The following ADAMTS17 variants were observed in gnomAD, a reference collection of about 807,000 sequenced individuals.
ADAMTS17 encodes the protein A disintegrin and metalloproteinase with thrombospondin motifs 17.
In ADAMTS17, 113 loss-of-function variants were observed where a neutral mutation model predicts 141.5. That is an observed-to-expected ratio of 0.80 (90% CI 0.69 to 0.93). The LOEUF (loss-of-function observed/expected upper bound fraction) is 0.93, where lower values mean the gene tolerates loss of function less well. Ranked by LOEUF, ADAMTS17 falls within the 40% of genes least tolerant of loss-of-function variation. ADAMTS17 has a pLI of 0.00. For missense variants in ADAMTS17, 1,659 were observed against 1,517.9 expected, an observed-to-expected ratio of 1.09 and a Z score of -1.54; for synonymous variants, 768 against 630.6, an observed-to-expected ratio of 1.22 and a Z score of -3.27.
chr15:100,093,512 G>A (rs2035589280), intron 15 of ADAMTS17, among the ~76,000 whole-genome samples: 1 of 152,100 alleles, frequency 6.6e-6, no homozygotes, highest in South Asian at 2.1e-4. Flanking sequence ...CCACTCAGCT[G>A]CACTTGGCGT....
intron 8 of ADAMTS17, among the ~76,000 whole-genome samples, chr15:100,157,676 A>C (rs1251335365): frequency 6.6e-6 from 1 of 152,158 alleles, no homozygotes; most frequent in East Asian, 1.9e-4. Flanking sequence ...TAGCAAAGAA[A>C]GTGCCAAAAA....
intron 8 of ADAMTS17, among the ~76,000 whole-genome samples, chr15:100,187,944 C>A (rs76993536): frequency 1.3e-5 from 2 of 152,112 alleles, no homozygotes; most frequent in Non-Finnish European, 2.9e-5. Context: ...AATAACCAGG[C>A]GGGATGGTGT....
At chr15:100,212,757 CA>C (rs2041848407) in intron 7 of ADAMTS17, among the ~76,000 whole-genome samples, 4 of 137,788 alleles carry the variant, frequency 2.9e-5, no homozygotes, top group African/African-American at 1.1e-4. Flanking sequence ...CTAACCGACA[CA>C]TAGAAAACAT....
At chr15:100,218,023 G>A (rs1490331438) in intron 7 of ADAMTS17, among the ~76,000 whole-genome samples, 3 of 152,174 alleles carry the variant, frequency 2.0e-5, no homozygotes, top group Non-Finnish European at 4.4e-5. Context: ...TGGGACTACA[G>A]GTGCACACCA....
chr15:100,078,924 CA>C (rs948272468), intron 15 of ADAMTS17, among the ~76,000 whole-genome samples: 10 of 151,840 alleles, frequency 6.6e-5, no homozygotes, highest in African/African-American at 2.2e-4. Flanking sequence ...GGCACTTCCG[CA>C]AAAAAGATAT....
rs113108691 is a variant in ADAMTS17, at chr15:100,254,723, CCTCAGAAAACTAA to C, written c.1032-557_1032-545del. Among the ~76,000 whole-genome samples the C allele has an allele frequency of 9.2e-4, 140 of 152,298 alleles. 1 individual carries two copies. The highest frequency in any genetic ancestry group is 6.2e-3 in the East Asian group (32 of 5,192). ...CATGGATGGAGCTGGAGCCTATTAT[CCTCAGAAAACTAA>C]TGCAGAAACAGAAAAGCAAACACCA... On this transcript the variant is annotated intron_variant, in intron 6 of 21. Coordinates refer to ENST00000268070, the MANE Select transcript of ADAMTS17 (RefSeq NM_139057.4).
intron 8 of ADAMTS17, among the ~76,000 whole-genome samples, chr15:100,176,607 C>T (rs910037112): frequency 3.3e-5 from 5 of 152,202 alleles, no homozygotes; most frequent in African/African-American, 1.2e-4. Context: ...ACATTGGGTA[C>T]GATCCACAAA....
Position 99,974,539 on chromosome 15 carries a change from G to A in ADAMTS17, c.3151C>T (p.Arg1051Ter), listed in dbSNP as rs373641684. 32 of 1,614,234 alleles carry A rather than the reference G, an allele frequency of 2.0e-5. No homozygotes were observed. Among genetic ancestry groups the A allele is most frequent in the Non-Finnish European group, 2.2e-5 (26 of 1,180,028 alleles). Reference protein sequence around the residue: ...RLAALTYKCTRDQWTVYCRVI... With the variant: ...RLAALTYKCT ...CGGCAATATACCGTCCACTGGTCTC[G>A]TGTGCATTTGTAGGTCAGAGCAGCT... is the stretch of plus-strand genomic sequence containing the variant. The change falls in exon 22 of 22, where the codon CGA (arginine) becomes TGA (stop). Residue 1051 changes from arginine (R) to a stop codon, truncating the protein, a stop_gained. Coordinates refer to ENST00000268070, the MANE Select transcript of ADAMTS17 (RefSeq NM_139057.4). LOFTEE classifies it high-confidence loss of function.
intron 4 of ADAMTS17, among the ~76,000 whole-genome samples, chr15:100,264,866 G>C (rs1596393540): frequency 6.6e-6 from 1 of 152,104 alleles, no homozygotes; most frequent in Non-Finnish European, 1.5e-5. Context: ...CGTTTTGCAA[G>C]ATAAAAAAGC....
chr15:100,191,063 T>C (rs2040898754), intron 8 of ADAMTS17, among the ~76,000 whole-genome samples: 1 of 152,206 alleles, frequency 6.6e-6, no homozygotes, highest in Non-Finnish European at 1.5e-5. Flanking sequence ...ACAAGAAAAC[T>C]ACATCTCAGC....
intron 18 of ADAMTS17, among the ~76,000 whole-genome samples, chr15:100,013,156 G>A (rs769117162): frequency 1.3e-5 from 2 of 152,118 alleles, no homozygotes; most frequent in Non-Finnish European, 2.9e-5. Context: ...ATTGTAAAAG[G>A]GGATGAGTTC....
chr15:100,339,581 AGGTCCACATTCCCCGC>A (rs2046303515), intron 2 of ADAMTS17, among the ~76,000 whole-genome samples: 1 of 75,926 alleles, frequency 1.3e-5, no homozygotes, highest in African/African-American at 5.1e-5. Context: ...TCCCCGCCCC[AGGTCCACATTCCCCGC>A]CCCAGGTCCA....
intron 13 of ADAMTS17, among the ~76,000 whole-genome samples, chr15:100,112,632 G>A (rs185475447): frequency 2.7e-4 from 41 of 152,208 alleles, no homozygotes; most frequent in African/African-American, 9.6e-4. Context: ...ATCCCCAACA[G>A]CACAGAAGAT....
At chr15:100,070,011 G>T (rs1444048306) in intron 15 of ADAMTS17, among the ~76,000 whole-genome samples, 5 of 150,124 alleles carry the variant, frequency 3.3e-5, no homozygotes, top group Non-Finnish European at 7.4e-5. Flanking sequence ...CTCATGTGCA[G>T]AGACACACAT....
chr15:100,049,607 G>A (rs1375023407), intron 17 of ADAMTS17, among the ~76,000 whole-genome samples: 2 of 152,272 alleles, frequency 1.3e-5, no homozygotes, highest in Non-Finnish European at 2.9e-5. Flanking sequence ...CTTCTTATAG[G>A]TGTTCCCAGA....
Position 100,087,399 on chromosome 15 carries a change from T to C in ADAMTS17, c.2137+8957A>G, listed in dbSNP as rs1376540557. ...ACCAGATGGATTCACAGCCGAATTC[T>C]ACCAGAGGTACAAGGAGGAGCTGGT... On this transcript the variant is annotated intron_variant, in intron 15 of 21. Transcript: ENST00000268070. Among the ~76,000 whole-genome samples the C allele has an allele frequency of 4.6e-5, 7 of 152,220 alleles. No individual in the cohort carries two copies. In the East Asian group the frequency reaches 1.3e-3, roughly 29 times the overall value.
chr15:100,119,985 T>G (rs1266405845), intron 12 of ADAMTS17, among the ~76,000 whole-genome samples: 1 of 152,226 alleles, frequency 6.6e-6, no homozygotes, highest in East Asian at 1.9e-4. Flanking sequence ...TCCTCTTATC[T>G]GGAAGGATCT....
At chr15:100,209,131 A>AAAAAAAAGG (rs1555483240) in intron 7 of ADAMTS17, among the ~76,000 whole-genome samples, 56 of 133,130 alleles carry the variant, frequency 4.2e-4, no homozygotes, top group African/African-American at 1.2e-3. Flanking sequence ...AAAAAAAAAA[A>AAAAAAAAGG]AAGGAAGAAA....
intron 10 of ADAMTS17, among the ~76,000 whole-genome samples, chr15:100,134,749 C>A (rs2038238195): frequency 6.6e-6 from 1 of 152,154 alleles, no homozygotes; most frequent in African/African-American, 2.4e-5. Context: ...CTAAGAAAAG[C>A]CCACAGCTCC....
Sources: gnomAD v4.1 joint callset for allele counts (sites outside exome capture counted in the v4.1 genomes callset) on GRCh38, gnomAD v4.1.1 for gene constraint, MANE v1.5 for transcripts, NCBI Gene and HGNC (gene_info 2026-07-23, HGNC 2026-07-21) for gene names.